The following MYT1L variants were observed in gnomAD, a reference collection of about 807,000 sequenced individuals.
MYT1L encodes myelin transcription factor 1 like, also known as myelin transcription factor 1-like protein.
In MYT1L, 12 loss-of-function variants were observed where a neutral mutation model predicts 126.7. That is an observed-to-expected ratio of 0.09 (90% confidence interval 0.06 to 0.15). The LOEUF is 0.15. MYT1L is among the 10% of genes least tolerant of loss of function. MYT1L has a pLI of 1.00. For synonymous variants in MYT1L, 541 were observed against 604.2 expected (o/e 0.90, Z 1.53); for missense variants, 979 against 1,585.2 (o/e 0.62, Z 6.49).
chr2:2,155,728 G>A (rs546043122), intron 3 of MYT1L, among the ~76,000 whole-genome samples: 227 of 152,292 alleles, frequency 1.5e-3, no homozygotes, highest in Non-Finnish European at 2.2e-3. Context: ...CACTGTGTCG[G>A]GGGGATGCTG....
intron 1 of MYT1L, chr2:2,326,560 C>CG (rs1163929075): frequency 1.3e-5 from 2 of 151,450 alleles, no homozygotes; most frequent in African/African-American, 4.9e-5. Context: ...TAAAATATTC[C>CG]CCCCCGCCAA....
In MYT1L at chr2:1,962,358, T is replaced by C. The variant is rs535338738; in HGVS notation, c.152+16807A>G. Among the ~76,000 whole-genome samples, 3 of 152,302 alleles carry C rather than the reference T, an allele frequency of 2.0e-5. 1 individual carries two copies. Among genetic ancestry groups the C allele is most frequent in the East Asian group, 3.9e-4 (2 of 5,184 alleles). ...AGTGTTATGTCTAAAAATCAAAGTA[T>C]ATACCTTAATTTAAAAATATTTTAT... On this transcript the variant is annotated intron_variant, in intron 8 of 24. Transcript: ENST00000647738.
chr2:2,307,386 A>G (rs1362629049), intron 1 of MYT1L, among the ~76,000 whole-genome samples: 1 of 152,122 alleles, frequency 6.6e-6, no homozygotes, highest in Non-Finnish European at 1.5e-5. Context: ...TCCAGAATGA[A>G]GATAATGACA....
At chr2:1,947,414 G>T (rs148726900) in intron 8 of MYT1L, among the ~76,000 whole-genome samples, 19 of 152,340 alleles carry the variant, frequency 1.2e-4, no homozygotes, top group African/African-American at 3.6e-4. Context: ...ACAGCTGAGA[G>T]TTTGGAGGAC....
intron 2 of MYT1L, among the ~76,000 whole-genome samples, chr2:2,203,797 T>C (rs1328111056): frequency 1.3e-5 from 2 of 152,084 alleles, no homozygotes; most frequent in Non-Finnish European, 2.9e-5. Context: ...GAGCCCACAT[T>C]GCCAAGTCAA....
intron 9 of MYT1L, among the ~76,000 whole-genome samples, chr2:1,937,355 G>A (rs1446541601): frequency 7.9e-5 from 12 of 151,874 alleles, no homozygotes; most frequent in Admixed American, 5.2e-4. Context: ...CCATCAGATC[G>A]CACAGCGAGA....
chr2:2,207,290 T>C lies in MYT1L; in HGVS notation c.-420-34302A>G, dbSNP rs112234599. On this transcript the variant is annotated intron_variant, in intron 2 of 24. Coordinates refer to ENST00000647738, the MANE Select transcript of MYT1L (RefSeq NM_001303052.2). Reference sequence around the variant, plus strand: ...ATATATTCTATATCTACACTACACATATAAAACACACATATAATGCGCACT... The same window carrying C: ...ATATATTCTATATCTACACTACACACATAAAACACACATATAATGCGCACT... Among the ~76,000 whole-genome samples the C allele has an allele frequency of 3.9e-3, 598 of 152,296 alleles. 5 individuals carry two copies. Among genetic ancestry groups the C allele is most frequent in the African/African-American group, 0.014 (571 of 41,562 alleles).
chr2:1,840,854 A>G lies in MYT1L; in HGVS notation c.2775-11T>C, dbSNP rs1347013518. The G allele has an allele frequency of 6.5e-7, 1 of 1,539,630 alleles. No individual in the cohort carries two copies. Among genetic ancestry groups the G allele is most frequent in the South Asian group, 1.2e-5 (1 of 83,716 alleles). On this transcript the variant is annotated splice_polypyrimidine_tract_variant and intron_variant, in intron 19 of 24. Transcript: ENST00000647738. ...GGGCAACCTGAAAGGCTAAATAAGA[A>G]ACACATTTCAGAAAGCACCCCACAC...
rs2056932605 is a variant in MYT1L, at chr2:1,943,853, A to G, written c.153-519T>C. 6.6e-6 allele frequency among the ~76,000 whole-genome samples: 1 copy of G among 152,176 alleles called. No individual in the cohort carries two copies. Among genetic ancestry groups the G allele is most frequent in the Admixed American group, 6.5e-5 (1 of 15,274 alleles). ...TTTATGGATTAAATTATATCTTTAG[A>G]CTTGATAACCTCCTGAAACAAGATG... is the stretch of plus-strand genomic sequence containing the variant. On this transcript the variant is annotated intron_variant, in intron 8 of 24. Coordinates refer to ENST00000647738, the MANE Select transcript of MYT1L (RefSeq NM_001303052.2). This position sits in a 1 kb window ranked among gnomAD's most constrained non-coding sequence, Gnocchi z 4.4.
At chr2:2,087,865 C>T (rs184387588) in intron 3 of MYT1L, among the ~76,000 whole-genome samples, 26 of 152,354 alleles carry the variant, frequency 1.7e-4, no homozygotes, top group African/African-American at 2.2e-4. Flanking sequence ...TGACAGCTTG[C>T]TAACATGGGA....
chr2:1,916,019 T>TC (rs2052771372), intron 11 of MYT1L, among the ~76,000 whole-genome samples: 1 of 152,184 alleles, frequency 6.6e-6, no homozygotes, highest in African/African-American at 2.4e-5. Context: ...CATGCTGTCT[T>TC]CCTGCTCATG....
intron 3 of MYT1L, among the ~76,000 whole-genome samples, chr2:2,080,392 C>T (rs1006164047): frequency 4.6e-5 from 7 of 151,982 alleles, no homozygotes; most frequent in Admixed American, 1.3e-4. Flanking sequence ...GGAAAAACAA[C>T]AAAAAGAACA....
chr2:1,953,930 G>A (rs189277523), intron 8 of MYT1L, among the ~76,000 whole-genome samples: 149 of 152,284 alleles, frequency 9.8e-4, no homozygotes, highest in African/African-American at 3.4e-3. Context: ...AATATATTCA[G>A]GTTACCAGGG....
chr2:2,040,184 A>G (rs947686073), intron 4 of MYT1L, among the ~76,000 whole-genome samples: 9 of 152,122 alleles, frequency 5.9e-5, no homozygotes, highest in Middle Eastern at 3.2e-3. Flanking sequence ...CTAGGGCTGT[A>G]TATTTGGAAA....
chr2:1,974,087 A>T (rs760011747), intron 8 of MYT1L, among the ~76,000 whole-genome samples: 1 of 152,166 alleles, frequency 6.6e-6, no homozygotes, highest in Non-Finnish European at 1.5e-5. Context: ...AAATGCCTGG[A>T]GGCCACACCA....
At chr2:2,141,403 C>T (rs1451841767) in intron 3 of MYT1L, among the ~76,000 whole-genome samples, 2 of 152,166 alleles carry the variant, frequency 1.3e-5, no homozygotes, top group South Asian at 2.1e-4. Context: ...ATGCCCTACC[C>T]ACCTGTTTAA....
At chr2:1,885,065 C>G (rs1193774477) in intron 18 of MYT1L, 2 of 152,252 alleles carry the variant, frequency 1.3e-5, no homozygotes, top group African/African-American at 2.4e-5. Flanking sequence ...GCAACTTTTA[C>G]AGAGGCTGTT....
chr2:1,847,820 T>C (rs528860163), intron 19 of MYT1L, among the ~76,000 whole-genome samples: 1 of 152,262 alleles, frequency 6.6e-6, no homozygotes, highest in South Asian at 2.1e-4. Flanking sequence ...GATTGTTTGA[T>C]AGAACATCAC....
chr2:1,959,668 G>A (rs1396735346), intron 8 of MYT1L, among the ~76,000 whole-genome samples: 11 of 152,070 alleles, frequency 7.2e-5, no homozygotes, highest in South Asian at 2.1e-4. Flanking sequence ...CTATGCCCCC[G>A]CTCCATCCCT....
Sources: allele counts gnomAD v4.1 joint callset (sites outside exome capture counted in the v4.1 genomes callset), GRCh38; gene constraint gnomAD v4.1.1; non-coding constraint Gnocchi (gnomAD v3.1); transcripts MANE v1.5; gene names NCBI Gene and HGNC (gene_info 2026-07-23, HGNC 2026-07-21).